The following CAPN8 variants were observed in gnomAD, a reference collection of about 807,000 sequenced individuals.
CAPN8 encodes the protein calpain-8.
Under a neutral mutation model 80.9 loss-of-function variants are expected in CAPN8, and 87 were observed. The observed-to-expected ratio is 1.07, with a 90% CI of 0.90 to 1.28. CAPN8 has a LOEUF of 1.28. Among genes scored for constraint, CAPN8 ranks in the 50% most tolerant of loss-of-function variants. The pLI, the probability that CAPN8 is intolerant of heterozygous loss-of-function variation, is 0.00. For synonymous variants in CAPN8, 299 were observed against 273.8 expected, an observed-to-expected ratio of 1.09 and a Z score of -0.91; for missense variants, 757 against 702.0, an observed-to-expected ratio of 1.08 and a Z score of -0.89.
chr1:223,542,197 A>G (rs34276821), intron 20 of CAPN8, among the ~76,000 whole-genome samples: 44,774 of 145,580 alleles, frequency 0.31, 6,708 homozygotes, highest in African/African-American at 0.36. Context: ...ATGTGTGTGT[A>G]TATATATATC....
intron 16 of CAPN8, 133 bp from the exon 17 acceptor site, chr1:223,545,432 G>A (rs141048202): frequency 2.9e-6 from 4 of 1,357,990 alleles, no homozygotes; most frequent in South Asian, 1.4e-5. Context: ...AGAGCAGTGG[G>A]GGTGACGGTG....
intron 2 of CAPN8, among the ~76,000 whole-genome samples, chr1:223,644,552 A>G (rs1249179497): frequency 6.6e-6 from 1 of 152,260 alleles, no homozygotes; most frequent in African/African-American, 2.4e-5. Flanking sequence ...GTTATGGAGT[A>G]TACATGCTAG....
At chr1:223,544,975 C>T in intron 17 of CAPN8, 125 bp from the exon 18 acceptor site, 1 of 1,494,282 alleles carries the variant, frequency 6.7e-7, no homozygotes. Context: ...CCTATTGACT[C>T]CTCCCAAGAA....
intron 13 of CAPN8, among the ~76,000 whole-genome samples, chr1:223,557,863 G>A (rs1208193963): frequency 6.6e-6 from 1 of 152,196 alleles, no homozygotes; most frequent in Non-Finnish European, 1.5e-5. Context: ...GGCACAGTGG[G>A]TGCTCTATCT....
Position 223,628,050 on chromosome 1 carries a change from G to A in CAPN8, c.519C>T (p.Gly173=), listed in dbSNP as rs1391322143. ...CCAGCAGGGCACTCCAGAATTCATT[G>A]CCTTGTTCCGAGTGTAGGAAGAGCA... The part of the protein sequence containing the change: ...GQLLFLHSEQ[G]NEFWSALLEK... The change falls in exon 4 of 21, where the codon GGC becomes GGT. Residue 173 remains glycine (G), a synonymous_variant. Coordinates refer to ENST00000366872, the MANE Select transcript of CAPN8 (RefSeq NM_001143962.2). 3.2e-6 allele frequency: 5 copies of A among 1,551,146 alleles called. No homozygotes were observed. Among genetic ancestry groups the A allele is most frequent in the Non-Finnish European group, 4.4e-6 (5 of 1,146,732 alleles).
intron 2 of CAPN8, among the ~76,000 whole-genome samples, chr1:223,651,859 T>A (rs887968141): frequency 1.6e-4 from 25 of 152,240 alleles, no homozygotes; most frequent in African/African-American, 6.0e-4. Flanking sequence ...GTGTTGATAG[T>A]GTGCTGCCTT....
At position 223,627,997 on chromosome 1, in the gene CAPN8, T is replaced by TC; in HGVS notation, c.560+11dup. 2 of 1,526,740 alleles carry TC rather than the reference T, an allele frequency of 1.3e-6. No individual in the cohort carries two copies. Among genetic ancestry groups the TC allele is most frequent in the Non-Finnish European group, 8.8e-7 (1 of 1,130,122 alleles). 94.6% of individuals were successfully genotyped at this position (1,526,740 alleles called of 1,614,324 possible). A position where few individuals can be genotyped will look rare whatever the true frequency, so the allele number is the denominator to read the frequency against. On this transcript the variant is annotated intron_variant, in intron 4 of 20. Coordinates refer to ENST00000366872, the MANE Select transcript of CAPN8 (RefSeq NM_001143962.2). ...CTCTGGCGTCTCCCAGCTCCTGGCT[T>TC]CCCCCACTTACTTGGCATAGGCTTT...
intron 14 of CAPN8, among the ~76,000 whole-genome samples, chr1:223,551,265 C>T (rs1656779752): frequency 6.6e-6 from 1 of 152,230 alleles, no homozygotes; most frequent in Non-Finnish European, 1.5e-5. Context: ...GCCTCAGCCT[C>T]CTAAGTAGCT....
intron 14 of CAPN8, 152 bp from the exon 15 acceptor site, chr1:223,551,169 G>C (rs1329068685): frequency 1.7e-6 from 1 of 582,240 alleles, no homozygotes; most frequent in Non-Finnish European, 3.1e-6. Context: ...TTTTGAGACA[G>C]TCTTACTCTG....
chr1:223,551,980 C>T (rs1207229930), intron 14 of CAPN8, among the ~76,000 whole-genome samples: 1 of 152,114 alleles, frequency 6.6e-6, no homozygotes, highest in African/African-American at 2.4e-5. Context: ...AAACACTGAG[C>T]CAGAGGGAAG....
chr1:223,633,542 G>T (rs916845649), intron 2 of CAPN8, among the ~76,000 whole-genome samples: 1 of 152,086 alleles, frequency 6.6e-6, no homozygotes, highest in Non-Finnish European at 1.5e-5. Flanking sequence ...GGCACCTGTA[G>T]TACCAGCTAC....
intron 8 of CAPN8, 115 bp from the exon 9 acceptor site, chr1:223,619,568 G>T: frequency 9.5e-7 from 1 of 1,053,702 alleles, no homozygotes; most frequent in Non-Finnish European, 1.4e-6. Flanking sequence ...CCGTGGGCTA[G>T]CTTGATCTTT....
chr1:223,657,658 T>C (rs957217286), intron 1 of CAPN8, among the ~76,000 whole-genome samples: 1 of 152,144 alleles, frequency 6.6e-6, no homozygotes, highest in Non-Finnish European at 1.5e-5. Flanking sequence ...TCCCAGCTAC[T>C]CAGGAGGCTG....
chr1:223,630,308 C>A (rs995698176), intron 2 of CAPN8, among the ~76,000 whole-genome samples: 10 of 152,206 alleles, frequency 6.6e-5, no homozygotes, highest in Non-Finnish European at 1.3e-4. Flanking sequence ...CGCTCTCTCT[C>A]TCTGTCTCAC....
At chr1:223,646,566 G>A (rs748097862) in intron 2 of CAPN8, among the ~76,000 whole-genome samples, 8 of 152,228 alleles carry the variant, frequency 5.3e-5, no homozygotes, top group Non-Finnish European at 8.8e-5. Context: ...GAGCCTTGGG[G>A]ACTGGGACAT....
chr1:223,620,810 C>T (rs905785702), intron 7 of CAPN8, among the ~76,000 whole-genome samples: 2 of 152,156 alleles, frequency 1.3e-5, no homozygotes, highest in African/African-American at 4.8e-5. Context: ...CCAGAAGAAA[C>T]GTCACCCTGT....
intron 2 of CAPN8, among the ~76,000 whole-genome samples, chr1:223,640,256 G>C (rs905387056): frequency 2.0e-5 from 3 of 152,156 alleles, no homozygotes; most frequent in Non-Finnish European, 4.4e-5. Context: ...GCCTAGCTTA[G>C]GGCCTGCCAC....
At chr1:223,621,950 G>C (rs1034095001) in intron 7 of CAPN8, among the ~76,000 whole-genome samples, 1 of 151,986 alleles carries the variant, frequency 6.6e-6, no homozygotes, top group Admixed American at 6.6e-5. Flanking sequence ...TCCAACTCCT[G>C]GGTTCAAGCG....
chr1:223,610,628 G>T (rs117741910), intron 11 of CAPN8, among the ~76,000 whole-genome samples: 1 of 152,274 alleles, frequency 6.6e-6, no homozygotes, highest in East Asian at 1.9e-4. Flanking sequence ...GTTCCAGCAA[G>T]AATCCAGGGG....
Sources: gnomAD v4.1 joint callset for allele counts (sites outside exome capture counted in the v4.1 genomes callset) on GRCh38, gnomAD v4.1.1 for gene constraint, MANE v1.5 for transcripts, NCBI Gene and HGNC (gene_info 2026-07-23, HGNC 2026-07-21) for gene names.